The following TRPM3 variants were observed in gnomAD, a reference collection of about 807,000 sequenced individuals.
TRPM3 encodes the protein transient receptor potential cation channel subfamily M member 3.
TRPM3 carries 77 observed loss-of-function variants against 181.2 expected under a neutral mutation model. The ratio of observed to expected loss-of-function variants is 0.42; its 90% CI spans 0.35 to 0.51. TRPM3 has a LOEUF of 0.51. TRPM3 is among the 20% of genes least tolerant of loss of function. The pLI, the probability that TRPM3 is intolerant of heterozygous loss-of-function variation, is 0.01. For synonymous variants in TRPM3, 745 were observed against 796.4 expected, an observed-to-expected ratio of 0.94 and a Z score of 1.09; for missense variants, 1,759 against 2,196.7, an observed-to-expected ratio of 0.80 and a Z score of 3.98.
At chr9:71,311,258 T>C (rs1274796090) in intron 1 of TRPM3, among the ~76,000 whole-genome samples, 1 of 152,196 alleles carries the variant, frequency 6.6e-6, no homozygotes. Context: ...CCTGTACTTA[T>C]GCTGTGTATA....
intron 1 of TRPM3, among the ~76,000 whole-genome samples, chr9:71,439,403 C>T (rs1009121105): frequency 6.6e-6 from 1 of 152,306 alleles, no homozygotes; most frequent in African/African-American, 2.4e-5. Flanking sequence ...ATTAACTATA[C>T]ACATCAATAC....
chr9:70,885,163 C>T (rs79343543), intron 1 of TRPM3, among the ~76,000 whole-genome samples: 1,659 of 152,292 alleles, frequency 0.011, 34 homozygotes, highest in African/African-American at 0.037. Context: ...CCATCCTTGA[C>T]GGTGCCATAA....
chr9:70,805,431 G>A (rs1056825197), intron 6 of TRPM3, among the ~76,000 whole-genome samples: 3 of 151,130 alleles, frequency 2.0e-5, no homozygotes, highest in African/African-American at 7.3e-5. Flanking sequence ...CTACTCGGGA[G>A]GCTAAGGCAG....
chr9:71,039,061 T>C (rs1365339975), intron 1 of TRPM3, among the ~76,000 whole-genome samples: 1 of 152,236 alleles, frequency 6.6e-6, no homozygotes, highest in Non-Finnish European at 1.5e-5. Flanking sequence ...TGTATCTTGC[T>C]AAGACAATGT....
intron 1 of TRPM3, among the ~76,000 whole-genome samples, chr9:71,207,665 T>C (rs1031034645): frequency 2.0e-5 from 3 of 152,162 alleles, no homozygotes; most frequent in Admixed American, 1.3e-4. Flanking sequence ...TAATGAATAA[T>C]GTAATTACAG....
chr9:70,961,395 T>G (rs1366731908), intron 1 of TRPM3, among the ~76,000 whole-genome samples: 1 of 152,156 alleles, frequency 6.6e-6, no homozygotes. Flanking sequence ...CTGTTAAGTT[T>G]GCAGTCATTT....
intron 1 of TRPM3, among the ~76,000 whole-genome samples, chr9:71,384,974 T>A (rs2092893043): frequency 6.6e-6 from 1 of 152,216 alleles, no homozygotes; most frequent in Admixed American, 6.5e-5. Context: ...TTATCCCTTC[T>A]GGCAAAATAT....
At chr9:71,414,476 A>G (rs1295410735) in intron 1 of TRPM3, among the ~76,000 whole-genome samples, 1 of 152,122 alleles carries the variant, frequency 6.6e-6, no homozygotes, top group Non-Finnish European at 1.5e-5. Flanking sequence ...AAATGCCATT[A>G]TTCTCTTGAA....
At chr9:71,128,244 T>C (rs1300695027) in intron 1 of TRPM3, among the ~76,000 whole-genome samples, 2 of 152,154 alleles carry the variant, frequency 1.3e-5, no homozygotes, top group East Asian at 1.9e-4. Flanking sequence ...AAAACTTTAA[T>C]ATATAAAAGG....
intron 1 of TRPM3, among the ~76,000 whole-genome samples, chr9:71,089,317 A>G (rs1216609033): frequency 1.3e-5 from 2 of 151,268 alleles, no homozygotes; most frequent in Non-Finnish European, 2.9e-5. Flanking sequence ...AGCTCCAAAC[A>G]TGCTATACAA....
chr9:71,372,297 G>A (rs368863844), intron 1 of TRPM3, among the ~76,000 whole-genome samples: 9 of 152,154 alleles, frequency 5.9e-5, no homozygotes, highest in Middle Eastern at 3.4e-3. Context: ...ATGAACATAC[G>A]CATCCATATA....
At chr9:71,057,075 T>C (rs1452189935) in intron 1 of TRPM3, among the ~76,000 whole-genome samples, 3 of 151,992 alleles carry the variant, frequency 2.0e-5, no homozygotes, top group Non-Finnish European at 2.9e-5. Flanking sequence ...AGTGTTACTT[T>C]CATTTTGTTA....
intron 8 of TRPM3, among the ~76,000 whole-genome samples, chr9:70,753,632 T>C (rs1297491060): frequency 6.6e-6 from 1 of 152,100 alleles, no homozygotes; most frequent in Non-Finnish European, 1.5e-5. Flanking sequence ...TTTGAACATG[T>C]TTTTACACAG....
chr9:71,111,485 G>T (rs1200116313), intron 1 of TRPM3, among the ~76,000 whole-genome samples: 1 of 152,090 alleles, frequency 6.6e-6, no homozygotes, highest in East Asian at 1.9e-4. Context: ...GCGGGGGTTG[G>T]GGGGTGCTCC....
chr9:70,683,622 T>C (rs1224075185), intron 8 of TRPM3, among the ~76,000 whole-genome samples: 1 of 151,900 alleles, frequency 6.6e-6, no homozygotes, highest in African/African-American at 2.4e-5. Context: ...TGTATTTGGA[T>C]CATAGGTTAT....
intron 1 of TRPM3, among the ~76,000 whole-genome samples, chr9:71,431,496 C>G (rs951915915): frequency 2.0e-5 from 3 of 152,126 alleles, no homozygotes; most frequent in Admixed American, 2.0e-4. Flanking sequence ...TTGACTTAGT[C>G]TCAACATCCA....
rs972625548 is a variant in TRPM3, at chr9:70,625,829, A to G, written c.1633-312T>C. ...GAGTGTCATTACCAGAGCCTCCATC[A>G]GCTGGGATTTTAGGACTCGGGTCTC... On this transcript the variant is annotated intron_variant, in intron 12 of 25. Transcript: ENST00000677713. The surrounding 1 kb of genome is among the most constrained non-coding windows in gnomAD (Gnocchi z 4.8). Among the ~76,000 whole-genome samples the G allele has an allele frequency of 6.6e-6, 1 of 152,214 alleles. No individual in the cohort carries two copies. Among genetic ancestry groups the G allele is most frequent in the Non-Finnish European group, 1.5e-5 (1 of 68,044 alleles).
At chr9:71,353,608 T>C (rs992879511) in intron 1 of TRPM3, among the ~76,000 whole-genome samples, 9 of 152,210 alleles carry the variant, frequency 5.9e-5, no homozygotes, top group African/African-American at 1.4e-4. Context: ...AGATTAATGA[T>C]AGAAAACACT....
intron 1 of TRPM3, among the ~76,000 whole-genome samples, chr9:70,888,362 G>GGTGT (rs71367235): frequency 0.21 from 30,097 of 143,518 alleles, 3,180 homozygotes; most frequent in Non-Finnish European, 0.24. Flanking sequence ...TTTATTTTGG[G>GGTGT]GTGTGTGTGT....
Sources: gnomAD v4.1 joint callset for allele counts (sites outside exome capture counted in the v4.1 genomes callset) on GRCh38, gnomAD v4.1.1 for gene constraint, Gnocchi (gnomAD v3.1) non-coding constraint, MANE v1.5 for transcripts, NCBI Gene and HGNC (gene_info 2026-07-23, HGNC 2026-07-21) for gene names.